Variants in WWOX observed in about 807,000 individuals in gnomAD.
WWOX encodes the protein WW domain containing oxidoreductase.
Under a neutral mutation model 46.2 loss-of-function variants are expected in WWOX, and 69 were observed. That is an observed-to-expected ratio of 1.49 (90% confidence interval 1.23 to 1.82). The LOEUF (loss-of-function observed/expected upper bound fraction) is 1.82, where lower values mean the gene tolerates loss of function less well. Among genes scored for constraint, WWOX ranks in the 40% most tolerant of loss-of-function variants. The probability of loss-of-function intolerance (pLI) is 0.00; values close to 1 mark genes in which losing one functional copy is unlikely to be tolerated. For synonymous variants in WWOX, 359 were observed against 202.6 expected, an observed-to-expected ratio of 1.77 and a Z score of -6.56; for missense variants, 919 against 542.6, an observed-to-expected ratio of 1.69 and a Z score of -6.89.
In WWOX at chr16:79,099,132, G is replaced by A. The variant is rs986040758; in HGVS notation, c.1057-112476G>A. 3.3e-5 allele frequency among the ~76,000 whole-genome samples: 5 copies of A among 152,108 alleles called. 1 individual carries two copies. Among genetic ancestry groups the A allele is most frequent in the South Asian group, 2.1e-4 (1 of 4,826 alleles). ...AGGCTCTTTTAAACAACCAGCTCCCGTGGGAAATCACAGAGGGAGAACTCA... is the reference window on the plus strand; with the variant it reads ...AGGCTCTTTTAAACAACCAGCTCCCATGGGAAATCACAGAGGGAGAACTCA... On this transcript the variant is annotated intron_variant, in intron 8 of 8. Transcript: ENST00000566780.
chr16:78,666,348 G>A (rs550952852), intron 8 of WWOX, among the ~76,000 whole-genome samples: 18 of 152,256 alleles, frequency 1.2e-4, no homozygotes, highest in African/African-American at 3.6e-4. Context: ...TTGTAACTGT[G>A]TCATAACCTG....
intron 8 of WWOX, among the ~76,000 whole-genome samples, chr16:79,141,063 C>G (rs986206151): frequency 2.0e-5 from 3 of 152,220 alleles, no homozygotes; most frequent in African/African-American, 2.4e-5. Flanking sequence ...AGGGAAAAGT[C>G]AAGCTGGGAA....
intron 6 of WWOX, among the ~76,000 whole-genome samples, chr16:78,402,579 C>T (rs1402588766): frequency 1.3e-5 from 2 of 152,084 alleles, no homozygotes; most frequent in African/African-American, 4.8e-5. Context: ...CTTTCTGAGC[C>T]CCTCTTGAAG....
intron 8 of WWOX, among the ~76,000 whole-genome samples, chr16:78,542,460 T>G (rs2043921760): frequency 6.6e-6 from 1 of 152,162 alleles, no homozygotes. Flanking sequence ...GGTCCCAGAT[T>G]TTTTTTGTTT....
At chr16:78,739,395 T>C (rs951892011) in intron 8 of WWOX, among the ~76,000 whole-genome samples, 4 of 152,132 alleles carry the variant, frequency 2.6e-5, no homozygotes, top group African/African-American at 9.7e-5. Flanking sequence ...CCAACAGTGA[T>C]TGGATGTCAT....
chr16:78,503,307 C>T (rs1156870101), intron 8 of WWOX, among the ~76,000 whole-genome samples: 1 of 152,094 alleles, frequency 6.6e-6, no homozygotes, highest in Non-Finnish European at 1.5e-5. Flanking sequence ...AATAAGGTAA[C>T]AGACCCTCAG....
chr16:78,632,192 A>G (rs968259741), intron 8 of WWOX, among the ~76,000 whole-genome samples: 2 of 152,180 alleles, frequency 1.3e-5, no homozygotes, highest in Non-Finnish European at 2.9e-5. Context: ...AAGTTGCAGA[A>G]TGCCCCTGTC....
intron 8 of WWOX, among the ~76,000 whole-genome samples, chr16:78,476,405 A>G (rs1045999861): frequency 2.0e-5 from 3 of 152,164 alleles, no homozygotes; most frequent in Admixed American, 6.5e-5. Flanking sequence ...GAATTGAACA[A>G]TGAGAACAGT....
intron 5 of WWOX, among the ~76,000 whole-genome samples, chr16:78,199,716 A>C (rs780651520): frequency 4.6e-5 from 7 of 152,150 alleles, no homozygotes; most frequent in East Asian, 1.9e-4. Context: ...CATATACATG[A>C]CATCCTACCC....
chr16:78,473,545 CA>C (rs780304299), intron 8 of WWOX, among the ~76,000 whole-genome samples: 7 of 144,204 alleles, frequency 4.9e-5, no homozygotes, highest in Non-Finnish European at 1.0e-4. Flanking sequence ...TGCCAACACC[CA>C]GGTGAGCAGA....
rs2151651490 is a variant in WWOX at position 78,099,750 on chromosome 16, A to C, written c.-29A>C. The C allele has an allele frequency of 6.6e-7, 1 of 1,521,686 alleles. No homozygotes were observed. The highest frequency in any genetic ancestry group is 8.8e-7 in the Non-Finnish European group (1 of 1,135,062). 94.3% of individuals were successfully genotyped at this position (1,521,686 alleles called of 1,614,324 possible). A position where few individuals can be genotyped will look rare whatever the true frequency, so the allele number is the denominator to read the frequency against. ...GCGAGTGGACCCGGCAGCGGGCGAT[A>C]GGGGGGCCAGGTGCCTCCACAGTCA... On this transcript the variant is annotated 5_prime_UTR_variant, in exon 1 of 9. Transcript: ENST00000566780.
chr16:78,804,688 GT>G (rs202007074), intron 8 of WWOX, among the ~76,000 whole-genome samples: 2 of 151,682 alleles, frequency 1.3e-5, no homozygotes, highest in East Asian at 1.9e-4. Flanking sequence ...TCAAATTTCT[GT>G]TTTTTTTCTA....
intron 8 of WWOX, among the ~76,000 whole-genome samples, chr16:79,191,398 A>C (rs568124888): frequency 7.8e-4 from 118 of 152,222 alleles, no homozygotes; most frequent in African/African-American, 2.5e-3. Flanking sequence ...CGAGATAGTA[A>C]GTGGACATCA....
chr16:78,610,099 G>A (rs1269511817), intron 8 of WWOX, among the ~76,000 whole-genome samples: 1 of 152,146 alleles, frequency 6.6e-6, no homozygotes. Flanking sequence ...TTGCTGGTCT[G>A]TGGCAAGGTC....
intron 5 of WWOX, among the ~76,000 whole-genome samples, chr16:78,312,165 C>T (rs747448453): frequency 2.0e-5 from 3 of 152,156 alleles, no homozygotes; most frequent in African/African-American, 7.2e-5. Context: ...TATCAAGGGT[C>T]ACTTTAAGGT....
chr16:78,802,881 A>T (rs570522520), intron 8 of WWOX, among the ~76,000 whole-genome samples: 17 of 134,668 alleles, frequency 1.3e-4, no homozygotes, highest in Non-Finnish European at 2.3e-4. Context: ...ATGCCATTGC[A>T]CTCCAGCCTG....
At chr16:78,683,580 A>G (rs984895428) in intron 8 of WWOX, among the ~76,000 whole-genome samples, 12 of 151,972 alleles carry the variant, frequency 7.9e-5, no homozygotes, top group South Asian at 2.1e-4. Context: ...AATTACATGA[A>G]AAATAGAGAC....
intron 8 of WWOX, among the ~76,000 whole-genome samples, chr16:78,455,983 C>A (rs763764341): frequency 6.6e-6 from 1 of 152,190 alleles, no homozygotes; most frequent in Non-Finnish European, 1.5e-5. Flanking sequence ...TAGGCCAGGA[C>A]CTGTGCTATG....
At chr16:79,022,486 G>A (rs900358537) in intron 8 of WWOX, among the ~76,000 whole-genome samples, 11 of 151,760 alleles carry the variant, frequency 7.2e-5, no homozygotes, top group South Asian at 4.2e-4. Context: ...GCCTTTTCTC[G>A]GAGGAGCTGA....
Sources: allele counts gnomAD v4.1 joint callset (sites outside exome capture counted in the v4.1 genomes callset), GRCh38; gene constraint gnomAD v4.1.1; transcripts MANE v1.5; gene names NCBI Gene and HGNC (gene_info 2026-07-23, HGNC 2026-07-21).